The following INCENP variants were observed in gnomAD, a reference collection of about 807,000 sequenced individuals.
The protein encoded by INCENP is inner centromere protein, also known as binds and activates aurora-B and -C in vivo and in vitro.
Under a neutral mutation model 107.3 loss-of-function variants are expected in INCENP, and 43 were observed. The observed-to-expected ratio is 0.40, with a 90% CI of 0.31 to 0.52. The LOEUF is 0.52. INCENP is among the 20% of genes least tolerant of loss of function. INCENP has a pLI of 0.53. For missense variants in INCENP, 1,089 were observed against 1,250.9 expected, an observed-to-expected ratio of 0.87 and a Z score of 1.95; for synonymous variants, 488 against 494.4, an observed-to-expected ratio of 0.99 and a Z score of 0.17.
chr11:62,126,177 G>A (rs1467156708), intron 1 of INCENP, among the ~76,000 whole-genome samples: 1 of 148,994 alleles, frequency 6.7e-6, no homozygotes, highest in East Asian at 2.0e-4. Flanking sequence ...TTCCATTGTA[G>A]GTGGGAGGCT....
chr11:62,147,326 C>G (rs1460610771), intron 15 of INCENP, among the ~76,000 whole-genome samples: 1 of 152,134 alleles, frequency 6.6e-6, no homozygotes, highest in Non-Finnish European at 1.5e-5. Context: ...CAGATTACCC[C>G]CTACCGATAT....
chr11:62,147,560 T>G (rs1470636729), intron 15 of INCENP, among the ~76,000 whole-genome samples: 1 of 152,216 alleles, frequency 6.6e-6, no homozygotes, highest in East Asian at 1.9e-4. Context: ...GGATCCTGTG[T>G]CTGTGTGCAC....
intron 11 of INCENP, among the ~76,000 whole-genome samples, chr11:62,142,832 G>A (rs1395945416): frequency 6.6e-6 from 1 of 152,218 alleles, no homozygotes; most frequent in African/African-American, 2.4e-5. Flanking sequence ...CTTCGGTGTG[G>A]TAATTAGGAT....
chr11:62,138,228 G>A (rs766433829), intron 5 of INCENP, among the ~76,000 whole-genome samples: 10 of 152,116 alleles, frequency 6.6e-5, no homozygotes, highest in Non-Finnish European at 1.5e-4. Context: ...GTGCTGCTTC[G>A]GGCCAGGACA....
intron 12 of INCENP, 31 bp from the exon 13 acceptor site, chr11:62,145,138 G>A (rs751850530): frequency 1.1e-5 from 18 of 1,613,944 alleles, no homozygotes; most frequent in Non-Finnish European, 1.4e-5. Flanking sequence ...AGCCTTGGTG[G>A]GGCTCCCCAT....
intron 11 of INCENP, among the ~76,000 whole-genome samples, chr11:62,143,292 CAA>C (rs1352328996): frequency 6.6e-6 from 1 of 152,086 alleles, no homozygotes; most frequent in Admixed American, 6.5e-5. Flanking sequence ...AGAGAACAAA[CAA>C]AAATGGGATT....
intron 18 of INCENP, 74 bp from the exon 19 acceptor site, chr11:62,151,688 G>C (rs898166975): frequency 1.2e-4 from 149 of 1,282,600 alleles, no homozygotes; most frequent in Non-Finnish European, 1.5e-4. Flanking sequence ...GGGTGACAGG[G>C]CTCTGTGGTG....
chr11:62,142,686 CT>C (rs59893507), intron 11 of INCENP, among the ~76,000 whole-genome samples: 41,156 of 152,196 alleles, frequency 0.27, 7,428 homozygotes, highest in Middle Eastern at 0.45. Flanking sequence ...AGGTTCCCAT[CT>C]GCCTTCTGTG....
intron 15 of INCENP, among the ~76,000 whole-genome samples, chr11:62,148,227 C>A (rs565869977): frequency 6.6e-6 from 1 of 152,282 alleles, no homozygotes; most frequent in South Asian, 2.1e-4. Flanking sequence ...GGCTCAGAGA[C>A]CCAAGTTACA....
intron 1 of INCENP, among the ~76,000 whole-genome samples, chr11:62,125,736 G>A (rs1943734979): frequency 6.6e-6 from 1 of 152,186 alleles, no homozygotes; most frequent in Admixed American, 6.5e-5. Context: ...GTTGATGGGT[G>A]GATTAATTCA....
intron 3 of INCENP, among the ~76,000 whole-genome samples, chr11:62,129,148 A>G (rs1410001963): frequency 6.6e-6 from 1 of 152,146 alleles, no homozygotes; most frequent in Non-Finnish European, 1.5e-5. Context: ...AGAATGGGAA[A>G]GATTTCCGTA....
In INCENP at chr11:62,125,237, T is replaced by A. The variant is rs377208467; in HGVS notation, c.-12+1074T>A. Among the ~76,000 whole-genome samples, 30 of 152,368 alleles carry A rather than the reference T, an allele frequency of 2.0e-4. 1 individual carries two copies. The South Asian group carries it at 5.8e-3, about 29-fold the overall frequency. ...CCTCTGTTTTAACTTACGGTAACCC[T>A]TTTTAAATCGTTGCGCTAAGGTCTG... On this transcript the variant is annotated intron_variant, in intron 1 of 18. Coordinates refer to ENST00000394818, the MANE Select transcript of INCENP (RefSeq NM_001040694.2).
intron 15 of INCENP, 94 bp downstream of exon 15, chr11:62,146,996 C>T (rs760505012): frequency 2.9e-4 from 445 of 1,537,410 alleles, no homozygotes; most frequent in Non-Finnish European, 3.5e-4. Context: ...CTGCATGTGA[C>T]GGTTTGCAGG....
chr11:62,129,767 T>C lies in INCENP; in HGVS notation c.255-15T>C, dbSNP rs550573247. On this transcript the variant is annotated splice_polypyrimidine_tract_variant and intron_variant, in intron 3 of 18. Transcript: ENST00000394818. ...CTGCTGCCCGTCTCAGCCTCTGCCC[T>C]GCTGCCCCTGCCAGGTTATCCCGCA... The C allele has an allele frequency of 3.1e-6, 5 of 1,594,432 alleles. No individual in the cohort carries two copies. In the African/African-American group the frequency reaches 6.7e-5, roughly 21 times the overall value.
intron 1 of INCENP, among the ~76,000 whole-genome samples, chr11:62,127,673 G>T (rs1943782066): frequency 6.6e-6 from 1 of 152,182 alleles, no homozygotes; most frequent in African/African-American, 2.4e-5. Context: ...TGTATGTAGT[G>T]CAGGGTGGCT....
intron 6 of INCENP, 32 bp downstream of exon 6, chr11:62,138,802 AC>A: frequency 6.2e-7 from 1 of 1,611,500 alleles, no homozygotes; most frequent in African/African-American, 1.3e-5. Flanking sequence ...GGGAGGACTC[AC>A]CTCTGGGGCT....
At chr11:62,133,143 C>T (rs766816404) in intron 4 of INCENP, among the ~76,000 whole-genome samples, 1 of 152,110 alleles carries the variant, frequency 6.6e-6, no homozygotes, top group Non-Finnish European at 1.5e-5. Flanking sequence ...GAGAGGCTCT[C>T]GGGCAGCTCC....
intron 4 of INCENP, among the ~76,000 whole-genome samples, chr11:62,130,937 G>A (rs894450548): frequency 3.3e-5 from 5 of 152,204 alleles, no homozygotes; most frequent in African/African-American, 7.2e-5. Flanking sequence ...CGGGAAGGTC[G>A]GCCACTGTGT....
intron 11 of INCENP, chr11:62,141,787 T>C: frequency 1.8e-6 from 1 of 561,904 alleles, no homozygotes; most frequent in Non-Finnish European, 3.2e-6. Context: ...CTTGATGTGT[T>C]CTCCACAGCC....
Sources: allele counts gnomAD v4.1 joint callset (sites outside exome capture counted in the v4.1 genomes callset), GRCh38; gene constraint gnomAD v4.1.1; transcripts MANE v1.5; gene names NCBI Gene and HGNC (gene_info 2026-07-23, HGNC 2026-07-21).